Variants in SMC3 observed in about 807,000 individuals in gnomAD.
The protein encoded by SMC3 is structural maintenance of chromosomes 3, also known as structural maintenance of chromosomes protein 3.
Under a neutral mutation model 171.8 loss-of-function variants are expected in SMC3, and 20 were observed. The observed-to-expected ratio is 0.12, with a 90% confidence interval of 0.08 to 0.17. The LOEUF (loss-of-function observed/expected upper bound fraction) is 0.17, where lower values mean the gene tolerates loss of function less well. Among genes scored for constraint, SMC3 ranks in the 10% least tolerant of loss-of-function variants. SMC3 has a pLI of 1.00. For synonymous variants in SMC3, 464 were observed against 451.1 expected, an observed-to-expected ratio of 1.03 and a Z score of -0.36; for missense variants, 543 against 1,420.4, an observed-to-expected ratio of 0.38 and a Z score of 9.93.
At chr10:110,579,658 C>A (rs1025486198) in intron 7 of SMC3, among the ~76,000 whole-genome samples, 60 of 152,062 alleles carry the variant, frequency 3.9e-4, no homozygotes, top group African/African-American at 1.4e-3. Context: ...GAGGGTGGGA[C>A]CTTTTCTGCT....
At chr10:110,579,969 T>C (rs1208942792) in intron 7 of SMC3, among the ~76,000 whole-genome samples, 1 of 152,222 alleles carries the variant, frequency 6.6e-6, no homozygotes, top group East Asian at 1.9e-4. Context: ...TTTTGTCATA[T>C]CATTAGCCTT....
Position 110,593,233 on chromosome 10 carries a change from A to G in SMC3, c.1963+10A>G. On this transcript the variant is annotated intron_variant, in intron 18 of 28. Coordinates refer to ENST00000361804, the MANE Select transcript of SMC3 (RefSeq NM_005445.4). The stretch of plus-strand genomic sequence containing the variant: ...TGTATTACTTTGGAAGGTTTGTAAT[A>G]CTAATTCTTAGCTTTAAACAGATAA... 6.2e-7 allele frequency: 1 copy of G among 1,613,040 alleles called. No individual in the cohort carries two copies. Among genetic ancestry groups the G allele is most frequent in the Non-Finnish European group, 8.5e-7 (1 of 1,178,970 alleles).
rs1295007456 is a variant in SMC3, at chr10:110,590,547, T to A, written c.1645T>A (p.Cys549Ser). 1 of 1,614,150 alleles carries A rather than the reference T, an allele frequency of 6.2e-7. No homozygotes were observed. The highest frequency in any genetic ancestry group is 1.7e-5 in the Admixed American group (1 of 60,030). ...NFECEPAFYTCVEVTAGNRLF... is the reference protein window; with the variant it reads ...NFECEPAFYTSVEVTAGNRLF... ...TGAATGTGAACCAGCTTTCTACACA[T>A]GCGTGGAAGTCACTGCTGGAAACAG... Residue 549 changes from cysteine (C) to serine (S), a missense_variant, in exon 16 of 29, where the codon TGC becomes AGC. Physicochemically the swap from Cys to Ser is moderately radical, Grantham distance 112. This residue lies in a region of SMC3 where 218 missense variants were observed against 509.6 expected (regional missense o/e 0.43). Coordinates refer to ENST00000361804, the MANE Select transcript of SMC3 (RefSeq NM_005445.4).
chr10:110,594,343 A>G (rs752852179), intron 18 of SMC3, among the ~76,000 whole-genome samples: 23 of 151,912 alleles, frequency 1.5e-4, no homozygotes, highest in Non-Finnish European at 3.2e-4. Flanking sequence ...ATAATTATTT[A>G]ATGTATTCAA....
chr10:110,593,725 T>TA lies in SMC3; in HGVS notation c.1963+503dup, dbSNP rs1370991527. Among the ~76,000 whole-genome samples, 4 of 152,086 alleles carry TA rather than the reference T, an allele frequency of 2.6e-5. No individual in the cohort carries two copies. The East Asian group carries it at 7.7e-4, about 29-fold the overall frequency. ...TTGGCCGGGCATGGTGGCTCACATCTATATATAACCCCAGCACTTTGGGAG... is the reference window on the plus strand; with the variant it reads ...TTGGCCGGGCATGGTGGCTCACATCTAATATATAACCCCAGCACTTTGGGAG... On this transcript the variant is annotated intron_variant, in intron 18 of 28. Transcript: ENST00000361804.
intron 17 of SMC3, among the ~76,000 whole-genome samples, chr10:110,592,398 C>T (rs896017583): frequency 6.6e-6 from 1 of 152,156 alleles, no homozygotes; most frequent in East Asian, 1.9e-4. Context: ...CCCATGACTT[C>T]TGGGGTGTCA....
chr10:110,585,582 C>T (rs891434633), intron 13 of SMC3, among the ~76,000 whole-genome samples: 1 of 151,734 alleles, frequency 6.6e-6, no homozygotes, highest in Non-Finnish European at 1.5e-5. Flanking sequence ...AGCCACCATG[C>T]CCGGTGTAAT....
intron 1 of SMC3, chr10:110,568,422 T>A (rs1564786632): frequency 6.0e-6 from 1 of 167,478 alleles, no homozygotes; most frequent in Non-Finnish European, 1.3e-5. Context: ...AAAATGGTCT[T>A]CCCGCGCGGG....
chr10:110,569,187 A>G (rs969250973), intron 2 of SMC3, among the ~76,000 whole-genome samples, 174 bp downstream of exon 2: 2 of 152,206 alleles, frequency 1.3e-5, no homozygotes, highest in African/African-American at 4.8e-5. Flanking sequence ...TATTTTTATA[A>G]ACTTAAAATG....
At position 110,572,651 on chromosome 10, in the gene SMC3, G is replaced by T. The variant is rs114683354; in HGVS notation, c.92-1056G>T. Among the ~76,000 whole-genome samples, 416 of 152,198 alleles carry T rather than the reference G, an allele frequency of 2.7e-3. 4 individuals are homozygous for T. Among genetic ancestry groups the T allele is most frequent in the African/African-American group, 9.5e-3 (395 of 41,520 alleles). ...TTATTTTTTCCCTTGCAGCTAATAA[G>T]TAATATAGGCAGATGCTTTTGGACC... On this transcript the variant is annotated intron_variant, in intron 2 of 28. Coordinates refer to ENST00000361804, the MANE Select transcript of SMC3 (RefSeq NM_005445.4).
intron 28 of SMC3, 127 bp from the exon 29 acceptor site, chr10:110,604,104 A>AAC (rs1286803268): frequency 2.0e-6 from 1 of 507,098 alleles, no homozygotes; most frequent in African/African-American, 2.0e-5. Context: ...CAAAAAAAAA[A>AAC]AAAAAAAAAA....
chr10:110,583,895 A>G lies in SMC3; in HGVS notation c.1024A>G (p.Lys342Glu). 6.2e-7 allele frequency: 1 copy of G among 1,613,866 alleles called. No individual in the cohort carries two copies. Among genetic ancestry groups the G allele is most frequent in the South Asian group, 1.1e-5 (1 of 91,016 alleles). Residue 342 changes from lysine (K) to glutamate (E), a missense_variant, in exon 12 of 29, where the codon AAA (lysine) becomes GAA (glutamate). By Grantham distance (56) the Lys-to-Glu change is moderately conservative (BLOSUM62 1). This residue lies in a region of SMC3 where 146 missense variants were observed against 437.9 expected (regional missense o/e 0.33). Coordinates refer to ENST00000361804, the MANE Select transcript of SMC3 (RefSeq NM_005445.4). ...GCTTGAAAAAATAGAAGAAAAGCAG[A>G]AAGAACTGGCAGAAACAGAACCCAA... The part of the protein sequence containing the change: ...KLLEKIEEKQ[K>E]ELAETEPKFN...
intron 19 of SMC3, among the ~76,000 whole-genome samples, chr10:110,596,818 CTG>C (rs1861307206): frequency 6.7e-6 from 1 of 149,590 alleles, no homozygotes; most frequent in Admixed American, 6.7e-5. Flanking sequence ...AAAGAGGAAA[CTG>C]AGAAGGATCA....
In SMC3 at chr10:110,568,100, G is replaced by C. The variant is rs1342645528; in HGVS notation, c.15+269G>C. On this transcript the variant is annotated intron_variant, in intron 1 of 28. Coordinates refer to ENST00000361804, the MANE Select transcript of SMC3 (RefSeq NM_005445.4). ...GATCTCCGAGAGGTGTGGAAGGGCC[G>C]GCGGGCGGGCCGCTGGGAGGGACTG... Among the ~76,000 whole-genome samples, 3 of 152,094 alleles carry C rather than the reference G, an allele frequency of 2.0e-5. No homozygotes were observed. The East Asian group carries it at 5.8e-4, about 29-fold the overall frequency.
In SMC3 at chr10:110,587,130, TC is replaced by T. The variant is rs528083755; in HGVS notation, c.1306-2474del. On this transcript the variant is annotated intron_variant, in intron 13 of 28. Transcript: ENST00000361804. ...TATCAAACTTAAGTTTTTAGACTTT[TC>T]TAACTTATGTCAGTGGTATCTTGGC... is the stretch of plus-strand genomic sequence containing the variant. Among the ~76,000 whole-genome samples the T allele has an allele frequency of 3.3e-3, 503 of 152,338 alleles. 3 individuals are homozygous for T. Among genetic ancestry groups the T allele is most frequent in the African/African-American group, 0.011 (468 of 41,578 alleles).
chr10:110,581,068 T>G, intron 8 of SMC3, 47 bp downstream of exon 8: 1 of 1,023,232 alleles, frequency 9.8e-7, no homozygotes, highest in Non-Finnish European at 1.6e-6. Context: ...CAAATTACTG[T>G]TTTTGTGACA....
intron 19 of SMC3, among the ~76,000 whole-genome samples, chr10:110,597,338 T>C (rs1018329515): frequency 3.3e-5 from 5 of 151,542 alleles, no homozygotes; most frequent in African/African-American, 1.2e-4. Context: ...ATGAAACAAT[T>C]GTATATGTGG....
intron 3 of SMC3, 88 bp from the exon 4 acceptor site, chr10:110,575,248 A>T: frequency 2.2e-6 from 2 of 908,492 alleles, no homozygotes; most frequent in Non-Finnish European, 3.6e-6. Flanking sequence ...ATTACCAGAC[A>T]CACTATGTTC....
chr10:110,584,042 A>G (rs1861071120), intron 12 of SMC3, 80 bp downstream of exon 12: 2 of 1,552,246 alleles, frequency 1.3e-6, no homozygotes, highest in South Asian at 1.1e-5. Flanking sequence ...TCAATTATAT[A>G]GTAGCTGCTT....
Sources: allele counts gnomAD v4.1 joint callset (sites outside exome capture counted in the v4.1 genomes callset), GRCh38; gene constraint gnomAD v4.1.1; regional missense constraint gnomAD v4.1.1; transcripts MANE v1.5; gene names NCBI Gene and HGNC (gene_info 2026-07-23, HGNC 2026-07-21).